The following ARAP2 variants were observed in gnomAD, a reference collection of about 807,000 sequenced individuals.
ARAP2 encodes the protein ArfGAP with RhoGAP domain, ankyrin repeat and PH domain 2.
Under a neutral mutation model 194.5 loss-of-function variants are expected in ARAP2, and 148 were observed. The observed-to-expected ratio is 0.76, with a 90% CI of 0.67 to 0.87. The LOEUF (loss-of-function observed/expected upper bound fraction) is 0.87, where lower values mean the gene tolerates loss of function less well. Among genes scored for constraint, ARAP2 ranks in the 40% least tolerant of loss-of-function variants. The probability of loss-of-function intolerance (pLI) is 0.00; values close to 1 mark genes in which losing one functional copy is unlikely to be tolerated. For synonymous variants in ARAP2, 695 were observed against 683.5 expected (o/e 1.02, Z -0.26); for missense variants, 2,128 against 1,989.7 (o/e 1.07, Z -1.32).
At chr4:36,167,637 C>T (rs759625829) in intron 9 of ARAP2, among the ~76,000 whole-genome samples, 3 of 152,098 alleles carry the variant, frequency 2.0e-5, no homozygotes, top group Admixed American at 1.3e-4. Flanking sequence ...AGGAGATATA[C>T]AATTTTACCT....
At chr4:36,018,075 A>T (rs1033711316) in intron 6 of ARAP2, among the ~76,000 whole-genome samples, 8 of 152,194 alleles carry the variant, frequency 5.3e-5, no homozygotes, top group Non-Finnish European at 8.8e-5. Context: ...TTATAATAAA[A>T]TTATTTAGTT....
chr4:36,199,850 C>T (rs1743982247), intron 6 of ARAP2, among the ~76,000 whole-genome samples: 1 of 152,156 alleles, frequency 6.6e-6, no homozygotes, highest in African/African-American at 2.4e-5. Flanking sequence ...CACACACACA[C>T]AAAAACAAAC....
At chr4:36,192,910 C>T (rs1339821096) in intron 7 of ARAP2, among the ~76,000 whole-genome samples, 2 of 152,094 alleles carry the variant, frequency 1.3e-5, no homozygotes, top group East Asian at 3.9e-4. Context: ...GCAGGAGAAT[C>T]GCTGGAACCC....
intron 5 of ARAP2, among the ~76,000 whole-genome samples, chr4:36,043,944 G>T (rs144796156): frequency 0.012 from 1,787 of 151,208 alleles, 21 homozygotes; most frequent in Non-Finnish European, 0.02. Context: ...AAGAAGGAAA[G>T]AAAGAATTGA....
At chr4:36,103,795 G>T (rs1430915790) in intron 27 of ARAP2, among the ~76,000 whole-genome samples, 1 of 151,828 alleles carries the variant, frequency 6.6e-6, no homozygotes, top group Non-Finnish European at 1.5e-5. Context: ...TTAAGTGCTA[G>T]ATTCTAAAAT....
chr4:36,064,651 C>G (rs771302899), downstream of ARAP2, among the ~76,000 whole-genome samples: 2 of 152,190 alleles, frequency 1.3e-5, no homozygotes, highest in Non-Finnish European at 2.9e-5. Context: ...ACCTGGTTCC[C>G]TGTGGGGAGG....
At chr4:36,226,456 A>G (rs984113854) in intron 2 of ARAP2, among the ~76,000 whole-genome samples, 12 of 152,232 alleles carry the variant, frequency 7.9e-5, no homozygotes, top group Non-Finnish European at 1.5e-5. Context: ...AAGGACAAGA[A>G]GTTGAGACCA....
intron 7 of ARAP2, among the ~76,000 whole-genome samples, chr4:36,192,138 C>A (rs1742041822): frequency 6.7e-6 from 1 of 148,246 alleles, no homozygotes; most frequent in Admixed American, 6.8e-5. Context: ...ACTCTCTCTC[C>A]TTTTAGGAAA....
exon 2 of ARAP2, chr4:36,058,077 T>C (rs1215497804): frequency 1.3e-5 from 2 of 152,204 alleles, no homozygotes; most frequent in Non-Finnish European, 2.9e-5. Context: ...TTCCAATTCA[T>C]ACCTGCTCCA....
chr4:36,131,578 G>A (rs1051289811), intron 20 of ARAP2, among the ~76,000 whole-genome samples: 5 of 151,562 alleles, frequency 3.3e-5, no homozygotes, highest in Non-Finnish European at 5.9e-5. Flanking sequence ...ATGAGTTTTA[G>A]TTGAAAAAAT....
chr4:36,087,183 C>T (rs1053899594), intron 28 of ARAP2, among the ~76,000 whole-genome samples: 10 of 151,960 alleles, frequency 6.6e-5, no homozygotes, highest in Non-Finnish European at 1.5e-4. Flanking sequence ...GTTAACATCG[C>T]CAATGGCTTC....
chr4:36,229,343 T>A lies in ARAP2; in HGVS notation c.144A>T (p.Lys48Asn), dbSNP rs753107582. ...GGTGACCTGTAGGTGATATTCCAAT[T>A]TTCTGCAGCAGGCTGTCATTTATTG... ...CAAINDSLLQ[K>N]IGISPTGHRR... The change falls in exon 2 of 33, where the codon AAA becomes AAT. Residue 48 changes from lysine to asparagine, a missense_variant. Transcript: ENST00000303965. 6.2e-7 allele frequency: 1 copy of A among 1,614,128 alleles called. No homozygotes were observed. The highest frequency in any genetic ancestry group is 8.5e-7 in the Non-Finnish European group (1 of 1,179,990).
intron 6 of ARAP2, among the ~76,000 whole-genome samples, chr4:36,199,440 T>C (rs1743900459): frequency 6.6e-6 from 1 of 152,152 alleles, no homozygotes; most frequent in South Asian, 2.1e-4. Flanking sequence ...TACAGGCACA[T>C]GCCACCATAT....
In ARAP2 at chr4:36,144,749, G is replaced by A. The variant is rs749737078; in HGVS notation, c.3263+2547C>T. 2.6e-5 allele frequency among the ~76,000 whole-genome samples: 4 copies of A among 151,430 alleles called. No individual in the cohort carries two copies. In the South Asian group the frequency reaches 8.3e-4, roughly 31 times the overall value. ...GCTTATTTAGCTATATTTTTATATC[G>A]CAGTTAAACATTGAACAAGATAAGA... is the stretch of plus-strand genomic sequence containing the variant. On this transcript the variant is annotated intron_variant, in intron 19 of 32. Coordinates refer to ENST00000303965, the MANE Select transcript of ARAP2 (RefSeq NM_015230.4).
At chr4:36,044,956 A>G (rs1577646124) in intron 5 of ARAP2, among the ~76,000 whole-genome samples, 1 of 152,304 alleles carries the variant, frequency 6.6e-6, no homozygotes, top group East Asian at 1.9e-4. Context: ...AAAGTGCTCA[A>G]CATCACTAAT....
At chr4:36,089,675 G>A (rs1248584544) in intron 28 of ARAP2, among the ~76,000 whole-genome samples, 2 of 151,948 alleles carry the variant, frequency 1.3e-5, no homozygotes, top group Non-Finnish European at 2.9e-5. Context: ...TTAATTTCCC[G>A]ATTATTAATG....
intron 6 of ARAP2, among the ~76,000 whole-genome samples, chr4:36,198,250 C>T (rs759047799): frequency 3.9e-5 from 6 of 152,138 alleles, no homozygotes; most frequent in Non-Finnish European, 8.8e-5. Context: ...TGCAGCTGGT[C>T]GTCCTGATGT....
chr4:36,176,729 A>G (rs1266491660), intron 9 of ARAP2, among the ~76,000 whole-genome samples: 1 of 152,164 alleles, frequency 6.6e-6, no homozygotes, highest in African/African-American at 2.4e-5. Flanking sequence ...ATAAGCCAAG[A>G]GTGCTTGATG....
intron 15 of ARAP2, among the ~76,000 whole-genome samples, chr4:36,154,641 A>G (rs71604016): frequency 6.6e-6 from 1 of 152,228 alleles, no homozygotes; most frequent in East Asian, 1.9e-4. Context: ...AAAGAAAAAT[A>G]CAGATCAGTC....
Sources: allele counts gnomAD v4.1 joint callset (sites outside exome capture counted in the v4.1 genomes callset), GRCh38; gene constraint gnomAD v4.1.1; transcripts MANE v1.5; gene names NCBI Gene and HGNC (gene_info 2026-07-23, HGNC 2026-07-21).